Variants in PKD1L1 observed in about 807,000 individuals in gnomAD.
The protein encoded by PKD1L1 is polycystin 1 like 1, transient receptor potential channel interacting, also known as polycystin-1-like protein 1.
In PKD1L1, 236 loss-of-function variants were observed where a neutral mutation model predicts 323.4. The ratio of observed to expected loss-of-function variants is 0.73; its 90% confidence interval spans 0.66 to 0.81. The LOEUF (loss-of-function observed/expected upper bound fraction) is 0.81, where lower values mean the gene tolerates loss of function less well. Among genes scored for constraint, PKD1L1 ranks in the 40% least tolerant of loss-of-function variants. The pLI, the probability that PKD1L1 is intolerant of heterozygous loss-of-function variation, is 0.00. For missense variants in PKD1L1, 3,320 were observed against 3,508.0 expected, an observed-to-expected ratio of 0.95 and a Z score of 1.35; for synonymous variants, 1,344 against 1,335.0, an observed-to-expected ratio of 1.01 and a Z score of -0.15.
At chr7:47,787,547 A>G (rs902944413) in intron 56 of PKD1L1, among the ~76,000 whole-genome samples, 1 of 152,224 alleles carries the variant, frequency 6.6e-6, no homozygotes, top group Non-Finnish European at 1.5e-5. Flanking sequence ...TTGTAACTGT[A>G]TAAGGACTCA....
intron 24 of PKD1L1, among the ~76,000 whole-genome samples, chr7:47,871,404 C>A (rs1392045054): frequency 6.6e-6 from 1 of 152,144 alleles, no homozygotes. Flanking sequence ...CAAGGTGGCA[C>A]CTGTTGCTGC....
chr7:47,902,644 A>G, intron 12 of PKD1L1, 133 bp from the exon 13 acceptor site: 2 of 1,142,334 alleles, frequency 1.8e-6, no homozygotes, highest in Non-Finnish European at 2.5e-6. Flanking sequence ...ATAAGAACAG[A>G]AGAGTCAAGG....
intron 7 of PKD1L1, among the ~76,000 whole-genome samples, chr7:47,916,721 A>C (rs547840551): frequency 4.6e-5 from 7 of 152,360 alleles, no homozygotes; most frequent in African/African-American, 1.7e-4. Flanking sequence ...GATCCAGAAG[A>C]GAGATAACAA....
At chr7:47,902,261 G>A (rs1787108145) in intron 13 of PKD1L1, 118 bp downstream of exon 13, 2 of 1,387,636 alleles carry the variant, frequency 1.4e-6, no homozygotes, top group South Asian at 2.9e-5. Flanking sequence ...ATTGCAGTAG[G>A]ATAAACTGGA....
intron 7 of PKD1L1, among the ~76,000 whole-genome samples, chr7:47,924,154 G>A (rs1290275089): frequency 1.3e-5 from 2 of 152,172 alleles, no homozygotes; most frequent in African/African-American, 4.8e-5. Context: ...TGAGCAAGGA[G>A]AACAGGGAGA....
intron 50 of PKD1L1, among the ~76,000 whole-genome samples, chr7:47,810,415 C>A (rs138751794): frequency 1.3e-5 from 2 of 152,270 alleles, no homozygotes; most frequent in East Asian, 3.9e-4. Context: ...AATATTGCAC[C>A]AGAATACTGT....
In PKD1L1 at chr7:47,946,146, T is replaced by C. The variant is rs1258326166; in HGVS notation, c.44+2251A>G. Among the ~76,000 whole-genome samples the C allele has an allele frequency of 6.6e-6, 1 of 152,144 alleles. No homozygotes were observed. The highest frequency in any genetic ancestry group is 1.5e-5 in the Non-Finnish European group (1 of 68,032). The stretch of plus-strand genomic sequence containing the variant: ...TTCACAGAGGTACCTGGCTTCCTCT[T>C]AGTTAACTGTGACTGTCGGGGAACA... On this transcript the variant is annotated intron_variant, in intron 1 of 56. Coordinates refer to ENST00000289672, the MANE Select transcript of PKD1L1 (RefSeq NM_138295.5). This position sits in a 1 kb window ranked among gnomAD's most constrained non-coding sequence, Gnocchi z 4.1.
chr7:47,930,505 G>T (rs534156828), intron 6 of PKD1L1, among the ~76,000 whole-genome samples: 2 of 142,850 alleles, frequency 1.4e-5, no homozygotes, highest in Non-Finnish European at 3.1e-5. Context: ...ACTCCCTCTC[G>T]AAAAAAAAAT....
chr7:47,842,073 C>T lies in PKD1L1; in HGVS notation c.5445+889G>A, dbSNP rs149259134. ...TCTAGTACAATGATAAATAGCAGTG[C>T]TGACAGCAGACATCCCTTAGAAATC... On this transcript the variant is annotated intron_variant, in intron 34 of 56. Transcript: ENST00000289672. 2.6e-5 allele frequency among the ~76,000 whole-genome samples: 4 copies of T among 152,300 alleles called. No individual in the cohort carries two copies. The East Asian group carries it at 7.7e-4, about 29-fold the overall frequency.
At chr7:47,933,608 A>G (rs199911994) in intron 4 of PKD1L1, among the ~76,000 whole-genome samples, 1 of 151,994 alleles carries the variant, frequency 6.6e-6, no homozygotes, top group Admixed American at 6.6e-5. Flanking sequence ...TTTGTCCCCA[A>G]CCCTCTCTTC....
chr7:47,836,587 T>C (rs916437949), intron 37 of PKD1L1, among the ~76,000 whole-genome samples: 12 of 152,222 alleles, frequency 7.9e-5, no homozygotes, highest in African/African-American at 2.9e-4. Context: ...ATTTAAAATC[T>C]AAATGAATTG....
intron 7 of PKD1L1, among the ~76,000 whole-genome samples, chr7:47,922,193 C>T (rs1297110187): frequency 2.6e-5 from 4 of 152,222 alleles, no homozygotes; most frequent in African/African-American, 4.8e-5. Flanking sequence ...GGATTGCAGA[C>T]AGAGTCTAGC....
At position 47,905,291 on chromosome 7, in the gene PKD1L1, G is replaced by T; in HGVS notation, c.1557C>A (p.Ala519=). Residue 519 remains alanine (A), a synonymous_variant, in exon 11 of 57, where the codon GCC becomes GCA. Transcript: ENST00000289672. ...VSVYTNGTVF[A]TDTDITFTAV... is the part of the protein sequence containing the mutation. ...CTGTAAATGTAATGTCTGTGTCTGTGGCAAACACAGTTCCATTTGTGTAGA... is the reference window on the plus strand; with the variant it reads ...CTGTAAATGTAATGTCTGTGTCTGTTGCAAACACAGTTCCATTTGTGTAGA... 6.2e-7 allele frequency: 1 copy of T among 1,614,070 alleles called. No homozygotes were observed. Among genetic ancestry groups the T allele is most frequent in the South Asian group, 1.1e-5 (1 of 91,060 alleles).
chr7:47,904,710 A>C, intron 11 of PKD1L1, 93 bp from the exon 12 acceptor site: 49 of 1,110,326 alleles, frequency 4.4e-5, no homozygotes, highest in Non-Finnish European at 5.4e-5. Context: ...TTTAAGAGGA[A>C]GGCGGGGGAG....
At chr7:47,922,579 G>C (rs1158871145) in intron 7 of PKD1L1, among the ~76,000 whole-genome samples, 1 of 151,972 alleles carries the variant, frequency 6.6e-6, no homozygotes, top group Admixed American at 6.5e-5. Context: ...TCTGGGAACT[G>C]AGTAGCGTCT....
intron 20 of PKD1L1, among the ~76,000 whole-genome samples, chr7:47,881,260 A>G (rs558480036): frequency 6.6e-6 from 1 of 152,238 alleles, no homozygotes; most frequent in East Asian, 1.9e-4. Flanking sequence ...CTTAGCAGAG[A>G]GAGGCTGACC....
At chr7:47,925,157 T>G (rs1787633294) in intron 7 of PKD1L1, among the ~76,000 whole-genome samples, 1 of 152,140 alleles carries the variant, frequency 6.6e-6, no homozygotes, top group Admixed American at 6.5e-5. Context: ...AATATCCCTT[T>G]TATAATACAA....
At chr7:47,924,395 A>G (rs1162977455) in intron 7 of PKD1L1, among the ~76,000 whole-genome samples, 1 of 152,160 alleles carries the variant, frequency 6.6e-6, no homozygotes, top group Non-Finnish European at 1.5e-5. Flanking sequence ...GGTCTACTGA[A>G]ACGTTAAATC....
chr7:47,796,096 A>G lies in PKD1L1; in HGVS notation c.8248T>C (p.Ser2750Pro). 6.2e-7 allele frequency: 1 copy of G among 1,611,022 alleles called. No individual in the cohort carries two copies. Among genetic ancestry groups the G allele is most frequent in the Non-Finnish European group, 8.5e-7 (1 of 1,178,590 alleles). Residue 2750 changes from serine to proline, a missense_variant, in exon 55 of 57, where the codon TCT becomes CCT. Physicochemically the swap from Ser to Pro is moderately conservative, Grantham distance 74 (BLOSUM62 -1). Transcript: ENST00000289672. Reference sequence around the variant, plus strand: ...GTGACATCTTTAAGTCTCACAAAAGATTTACTTTGAAAAGATTTTCTTTTT... The same window carrying G: ...GTGACATCTTTAAGTCTCACAAAAGGTTTACTTTGAAAAGATTTTCTTTTT... ...PQKRKSFQSK[S>P]FVRLKDVTAY...
Sources: gnomAD v4.1 joint callset for allele counts (sites outside exome capture counted in the v4.1 genomes callset) on GRCh38, gnomAD v4.1.1 for gene constraint, Gnocchi (gnomAD v3.1) non-coding constraint, MANE v1.5 for transcripts, NCBI Gene and HGNC (gene_info 2026-07-23, HGNC 2026-07-21) for gene names.